LRRTM4: variants seen among roughly 807,000 people sequenced by gnomAD.
LRRTM4 encodes leucine rich repeat transmembrane neuronal 4.
LRRTM4 carries 25 observed loss-of-function variants against 47.6 expected under a neutral mutation model. The observed-to-expected ratio is 0.53, with a 90% CI of 0.38 to 0.73. The LOEUF is 0.73. Ranked by LOEUF, LRRTM4 falls within the 30% of genes least tolerant of loss-of-function variation. LRRTM4 has a pLI of 0.00. For missense variants in LRRTM4, 638 were observed against 713.4 expected, an observed-to-expected ratio of 0.89 and a Z score of 1.20; for synonymous variants, 311 against 269.5, an observed-to-expected ratio of 1.15 and a Z score of -1.51.
intron 3 of LRRTM4, among the ~76,000 whole-genome samples, chr2:76,977,824 G>T (rs183497465): frequency 1.3e-5 from 2 of 152,068 alleles, no homozygotes; most frequent in African/African-American, 2.4e-5. Context: ...TGTTCAAAAA[G>T]CTATTAGAAG....
At chr2:77,158,735 G>C (rs1475527020) in intron 3 of LRRTM4, among the ~76,000 whole-genome samples, 2 of 150,828 alleles carry the variant, frequency 1.3e-5, no homozygotes, top group African/African-American at 4.9e-5. Flanking sequence ...GTTGAAACTT[G>C]TCCTAATTTT....
intron 3 of LRRTM4, among the ~76,000 whole-genome samples, chr2:77,117,681 T>A (rs1430054924): frequency 6.6e-6 from 1 of 152,018 alleles, no homozygotes; most frequent in Non-Finnish European, 1.5e-5. Flanking sequence ...TGATTTAATT[T>A]TTTTAAGGTT....
intron 3 of LRRTM4, among the ~76,000 whole-genome samples, chr2:76,919,615 G>T (rs1389575242): frequency 6.6e-6 from 1 of 152,090 alleles, no homozygotes; most frequent in African/African-American, 2.4e-5. Context: ...GCCGATACGA[G>T]CCCTGACATT....
At chr2:76,909,132 G>A (rs1420790164) in intron 3 of LRRTM4, among the ~76,000 whole-genome samples, 1 of 152,120 alleles carries the variant, frequency 6.6e-6, no homozygotes, top group Non-Finnish European at 1.5e-5. Flanking sequence ...CATGGCACTG[G>A]CACCAAAACA....
chr2:76,798,890 G>A (rs1675506247), intron 3 of LRRTM4, among the ~76,000 whole-genome samples: 1 of 152,098 alleles, frequency 6.6e-6, no homozygotes, highest in Non-Finnish European at 1.5e-5. Context: ...ACTCTCCCAA[G>A]ACTAAACCAG....
chr2:77,147,496 C>T (rs550762381), intron 3 of LRRTM4, among the ~76,000 whole-genome samples: 2 of 152,232 alleles, frequency 1.3e-5, no homozygotes, highest in African/African-American at 4.8e-5. Flanking sequence ...TATGCCATCA[C>T]GTTTCTGTCC....
intron 3 of LRRTM4, among the ~76,000 whole-genome samples, chr2:76,882,294 TTAAC>T (rs1672954290): frequency 6.6e-6 from 1 of 151,928 alleles, no homozygotes. Flanking sequence ...AATATTTTAC[TTAAC>T]TTTTACTGAA....
At chr2:77,125,569 T>C (rs956690431) in intron 3 of LRRTM4, among the ~76,000 whole-genome samples, 6 of 152,212 alleles carry the variant, frequency 3.9e-5, no homozygotes, top group Non-Finnish European at 7.3e-5. Flanking sequence ...TGTTCTGTGC[T>C]AATAAGTTTA....
Position 76,837,560 on chromosome 2 carries a change from A to G in LRRTM4, c.1552-88644T>C, listed in dbSNP as rs138607375. On this transcript the variant is annotated intron_variant, in intron 3 of 3. Transcript: ENST00000409884. The stretch of plus-strand genomic sequence containing the variant: ...CTATACACTGCTTTGAATGTGTCCC[A>G]GAGATTCCAGCCATCCCATTACTGG... 1.1e-4 allele frequency among the ~76,000 whole-genome samples: 16 copies of G among 152,288 alleles called. No homozygotes were observed. In the East Asian group the frequency reaches 3.1e-3, roughly 29 times the overall value.
At chr2:77,062,756 T>C (rs1027123762) in intron 3 of LRRTM4, among the ~76,000 whole-genome samples, 1 of 152,072 alleles carries the variant, frequency 6.6e-6, no homozygotes, top group African/African-American at 2.4e-5. Flanking sequence ...AATAAGCAGG[T>C]GGCTTATGGA....
intron 3 of LRRTM4, among the ~76,000 whole-genome samples, chr2:77,184,203 T>C (rs954695250): frequency 5.9e-5 from 9 of 152,104 alleles, no homozygotes; most frequent in African/African-American, 2.2e-4. Flanking sequence ...TAATGAAATA[T>C]ATGAAAACAT....
intron 3 of LRRTM4, among the ~76,000 whole-genome samples, chr2:77,364,422 T>TA (rs1340812923): frequency 1.3e-5 from 2 of 152,074 alleles, no homozygotes; most frequent in African/African-American, 4.8e-5. Flanking sequence ...AAGGATGTGT[T>TA]ACCAGCAGAG....
At chr2:77,427,538 A>C (rs1465141289) in intron 3 of LRRTM4, among the ~76,000 whole-genome samples, 7 of 152,208 alleles carry the variant, frequency 4.6e-5, no homozygotes, top group Admixed American at 4.6e-4. Flanking sequence ...AGCACAGAGA[A>C]AACTCTCATT....
chr2:76,996,888 G>C (rs1677222407), intron 3 of LRRTM4, among the ~76,000 whole-genome samples: 1 of 152,142 alleles, frequency 6.6e-6, no homozygotes, highest in Non-Finnish European at 1.5e-5. Flanking sequence ...CACTCCTGCA[G>C]ATGCTTGGCT....
At chr2:76,986,737 G>T (rs1372646789) in intron 3 of LRRTM4, among the ~76,000 whole-genome samples, 1 of 152,000 alleles carries the variant, frequency 6.6e-6, no homozygotes, top group African/African-American at 2.4e-5. Flanking sequence ...GATCTCTAAT[G>T]ATATTGTTTG....
chr2:76,900,040 C>A (rs1673569615), intron 3 of LRRTM4, among the ~76,000 whole-genome samples: 1 of 152,154 alleles, frequency 6.6e-6, no homozygotes, highest in Non-Finnish European at 1.5e-5. Context: ...ACCAGCCTGA[C>A]CAATATGGTG....
rs563610904 is a variant in LRRTM4, at chr2:77,468,388, T to C, written c.1551+49930A>G. On this transcript the variant is annotated intron_variant, in intron 3 of 3. Transcript: ENST00000409884. ...AATTTTATAGAACATCATACACATT[T>C]CCTGTCTACAAGAAGACAAGAATGG... 2.0e-5 allele frequency among the ~76,000 whole-genome samples: 3 copies of C among 152,330 alleles called. No homozygotes were observed. In the South Asian group the frequency reaches 6.2e-4, roughly 32 times the overall value.
intron 3 of LRRTM4, among the ~76,000 whole-genome samples, chr2:77,025,400 G>A (rs896232850): frequency 5.9e-5 from 9 of 152,122 alleles, no homozygotes; most frequent in African/African-American, 9.7e-5. Context: ...GAGGTCTTGG[G>A]TATGCTGAGA....
intron 3 of LRRTM4, among the ~76,000 whole-genome samples, chr2:76,895,233 T>C (rs1027432898): frequency 2.0e-5 from 3 of 152,130 alleles, no homozygotes; most frequent in African/African-American, 7.2e-5. Flanking sequence ...TGGAAGACAA[T>C]TTACCATGAA....
Sources: gnomAD v4.1 joint callset for allele counts (sites outside exome capture counted in the v4.1 genomes callset) on GRCh38, gnomAD v4.1.1 for gene constraint, MANE v1.5 for transcripts, NCBI Gene and HGNC (gene_info 2026-07-23, HGNC 2026-07-21) for gene names.